Variants in SCAPER observed in about 807,000 individuals in gnomAD.
SCAPER encodes S-phase cyclin A associated protein in the ER.
A neutral mutation model predicts 182.2 loss-of-function variants in SCAPER; 98 were observed. The observed-to-expected ratio is 0.54, with a 90% CI of 0.46 to 0.64. The LOEUF (loss-of-function observed/expected upper bound fraction) is 0.64, where lower values mean the gene tolerates loss of function less well. Among genes scored for constraint, SCAPER ranks in the 30% least tolerant of loss-of-function variants. The probability of loss-of-function intolerance (pLI) is 0.00; values close to 1 mark genes in which losing one functional copy is unlikely to be tolerated. For missense variants in SCAPER, 1,432 were observed against 1,690.0 expected, an observed-to-expected ratio of 0.85 and a Z score of 2.68; for synonymous variants, 605 against 564.6, an observed-to-expected ratio of 1.07 and a Z score of -1.01.
chr15:76,695,433 C>CA (rs907408506), intron 20 of SCAPER, among the ~76,000 whole-genome samples: 46 of 151,438 alleles, frequency 3.0e-4, no homozygotes, highest in Admixed American at 1.3e-4. Flanking sequence ...CCATCTCTAC[C>CA]AAAAAATACA....
At chr15:76,458,643 A>C (rs1596742979) in intron 25 of SCAPER, among the ~76,000 whole-genome samples, 1 of 152,206 alleles carries the variant, frequency 6.6e-6, no homozygotes, top group African/African-American at 2.4e-5. Flanking sequence ...CTATTACCTC[A>C]AGCATTTATC....
chr15:76,790,018 G>A (rs1313213259), intron 8 of SCAPER, among the ~76,000 whole-genome samples: 1 of 152,078 alleles, frequency 6.6e-6, no homozygotes, highest in African/African-American at 2.4e-5. Context: ...CACGAGGTCA[G>A]GAGATTGAGA....
chr15:76,748,985 T>G (rs1158264943), intron 15 of SCAPER, among the ~76,000 whole-genome samples: 1 of 151,904 alleles, frequency 6.6e-6, no homozygotes, highest in East Asian at 1.9e-4. Context: ...CTAAAAAAAT[T>G]GAAGATGATA....
At chr15:76,838,256 C>T (rs867207426) in intron 5 of SCAPER, among the ~76,000 whole-genome samples, 3 of 152,096 alleles carry the variant, frequency 2.0e-5, no homozygotes, top group Non-Finnish European at 2.9e-5. Context: ...TGCAGGAACA[C>T]GGATGCAGCT....
chr15:76,396,632 T>C (rs931648168), intron 27 of SCAPER, among the ~76,000 whole-genome samples: 2 of 152,238 alleles, frequency 1.3e-5, no homozygotes, highest in Non-Finnish European at 2.9e-5. Context: ...TGTTGGCATA[T>C]AGAAATGCTA....
intron 17 of SCAPER, among the ~76,000 whole-genome samples, chr15:76,713,233 C>G (rs111749472): frequency 0.073 from 11,027 of 151,148 alleles, 457 homozygotes; most frequent in Middle Eastern, 0.1. Context: ...ATTCCTCAGG[C>G]ATCTAGAACT....
At chr15:76,450,732 T>C (rs1268311059) in intron 25 of SCAPER, among the ~76,000 whole-genome samples, 1 of 152,064 alleles carries the variant, frequency 6.6e-6, no homozygotes. Flanking sequence ...TTTTTGTATT[T>C]TTAGTAGAGA....
At chr15:76,607,956 G>T (rs2050601557) in intron 22 of SCAPER, among the ~76,000 whole-genome samples, 1 of 151,982 alleles carries the variant, frequency 6.6e-6, no homozygotes, top group Admixed American at 6.6e-5. Flanking sequence ...TTTGCCATTG[G>T]TTCGAATTTC....
At chr15:76,793,332 T>C in intron 8 of SCAPER, 1 of 724,662 alleles carries the variant, frequency 1.4e-6, no homozygotes, top group Non-Finnish European at 2.5e-6. Context: ...TCTTTTTGTA[T>C]GCTAATGAGT....
At chr15:76,899,877 A>C in intron 1 of SCAPER, among the ~76,000 whole-genome samples, 1 of 152,254 alleles carries the variant, frequency 6.6e-6, no homozygotes, top group East Asian at 1.9e-4. Context: ...GGCCATGATG[A>C]CGATGGCGGT....
intron 24 of SCAPER, among the ~76,000 whole-genome samples, chr15:76,476,847 G>A (rs1248330956): frequency 6.6e-6 from 1 of 151,918 alleles, no homozygotes; most frequent in Non-Finnish European, 1.5e-5. Flanking sequence ...AAGCTAAATA[G>A]TTTCTCATCC....
chr15:76,526,963 C>T (rs1336846934), intron 23 of SCAPER, among the ~76,000 whole-genome samples: 3 of 152,050 alleles, frequency 2.0e-5, no homozygotes, highest in African/African-American at 7.2e-5. Context: ...CCTCTACCTC[C>T]CGTGTTCAAG....
intron 5 of SCAPER, among the ~76,000 whole-genome samples, chr15:76,830,142 A>G (rs2068333455): frequency 6.6e-6 from 1 of 152,062 alleles, no homozygotes; most frequent in Non-Finnish European, 1.5e-5. Flanking sequence ...AAATTAGAAC[A>G]TGGAAAGGCC....
At chr15:76,847,377 CA>C (rs35155484) in intron 4 of SCAPER, among the ~76,000 whole-genome samples, 56 of 149,824 alleles carry the variant, frequency 3.7e-4, no homozygotes, top group African/African-American at 1.3e-3. Flanking sequence ...ATAAAAAATA[CA>C]AAAAAAAATG....
rs57002677 is a variant in SCAPER at position 76,840,361 on chromosome 15, G to A, written c.393+1373C>T. Among the ~76,000 whole-genome samples, 332 of 150,198 alleles carry A rather than the reference G, an allele frequency of 2.2e-3. 1 individual carries two copies. Among genetic ancestry groups the A allele is most frequent in the African/African-American group, 7.7e-3 (314 of 40,760 alleles). Reference sequence around the variant, plus strand: ...CTTGAGCCCAGAAGGTCAAGGCTTCGTAAGCCATGTTTGTACCACCACATT... The same window carrying A: ...CTTGAGCCCAGAAGGTCAAGGCTTCATAAGCCATGTTTGTACCACCACATT... On this transcript the variant is annotated intron_variant, in intron 5 of 31. Transcript: ENST00000563290.
At chr15:76,689,376 TA>T (rs1299780950) in intron 20 of SCAPER, among the ~76,000 whole-genome samples, 1 of 152,112 alleles carries the variant, frequency 6.6e-6, no homozygotes, top group Non-Finnish European at 1.5e-5. Flanking sequence ...AAACAAAGTG[TA>T]AAATACTGAA....
chr15:76,402,142 AAAACAAAC>A (rs376078898), intron 27 of SCAPER, among the ~76,000 whole-genome samples: 1 of 152,148 alleles, frequency 6.6e-6, no homozygotes, highest in African/African-American at 2.4e-5. Flanking sequence ...AAAACAAAAC[AAAACAAAC>A]AAACAAACAA....
At chr15:76,754,021 T>C in intron 14 of SCAPER, 73 bp from the exon 15 acceptor site, 1 of 1,488,000 alleles carries the variant, frequency 6.7e-7, no homozygotes. Flanking sequence ...AACAAGTAAA[T>C]GGCTTATGAA....
At chr15:76,416,646 G>T (rs940267317) in intron 26 of SCAPER, among the ~76,000 whole-genome samples, 1 of 152,052 alleles carries the variant, frequency 6.6e-6, no homozygotes, top group Non-Finnish European at 1.5e-5. Context: ...AATTCTTAAG[G>T]TATATTCTCT....
Sources: allele counts gnomAD v4.1 joint callset (sites outside exome capture counted in the v4.1 genomes callset), GRCh38; gene constraint gnomAD v4.1.1; transcripts MANE v1.5; gene names NCBI Gene and HGNC (gene_info 2026-07-23, HGNC 2026-07-21).